LCP1: variants seen among roughly 807,000 people sequenced by gnomAD.
LCP1 encodes the protein plastin-2.
A neutral mutation model predicts 72.0 loss-of-function variants in LCP1; 23 were observed. That is an observed-to-expected ratio of 0.32 (90% CI 0.23 to 0.45). The LOEUF is 0.45. Ranked by LOEUF, LCP1 falls within the 20% of genes least tolerant of loss-of-function variation. LCP1 has a pLI of 1.00. For synonymous variants in LCP1, 245 were observed against 275.4 expected, an observed-to-expected ratio of 0.89 and a Z score of 1.09; for missense variants, 571 against 748.3, an observed-to-expected ratio of 0.76 and a Z score of 2.76.
At position 46,131,004 on chromosome 13, in the gene LCP1, A is replaced by G. The variant is rs2045630790; in HGVS notation, c.1627-66T>C. 13 of 1,488,034 alleles carry G rather than the reference A, an allele frequency of 8.7e-6. No individual in the cohort carries two copies. The South Asian group carries it at 1.6e-4, about 18-fold the overall frequency. The allele number at this position is 1,488,034 out of a possible 1,614,324, so 92.2% of individuals were successfully genotyped here. On this transcript the variant is annotated intron_variant, in intron 14 of 15. Coordinates refer to ENST00000323076, the MANE Select transcript of LCP1 (RefSeq NM_002298.5). Reference sequence around the variant, plus strand: ...AAGTTACTCCCATTCAGCTCAAAGGAAGTGGGTGGCTTTTTCTTCCTAAAT... The same window carrying G: ...AAGTTACTCCCATTCAGCTCAAAGGGAGTGGGTGGCTTTTTCTTCCTAAAT...
rs1429227997 is a variant in LCP1, at chr13:46,127,562, C to T, written c.*29G>A. On this transcript the variant is annotated 3_prime_UTR_variant, in exon 16 of 16. Transcript: ENST00000323076. ...TGTGCCGGGCAGTCAGGAGTGAGTG[C>T]ACCGCCTCCCACCCAGCCCCATTGG... 3 of 1,612,996 alleles carry T rather than the reference C, an allele frequency of 1.9e-6. No individual in the cohort carries two copies. In the Admixed American group the frequency reaches 5.0e-5, roughly 27 times the overall value.
intron 9 of LCP1, 121 bp downstream of exon 9, chr13:46,148,231 C>T (rs2045742168): frequency 3.0e-6 from 2 of 661,958 alleles, no homozygotes; most frequent in South Asian, 4.1e-5. Flanking sequence ...ACCGTTTTAA[C>T]AGGGCTTTAG....
intron 1 of LCP1, among the ~76,000 whole-genome samples, chr13:46,164,042 C>T (rs529280144): frequency 6.6e-6 from 1 of 152,290 alleles, no homozygotes; most frequent in African/African-American, 2.4e-5. Flanking sequence ...AGGTGCTATT[C>T]TTCATTTTAG....
intron 14 of LCP1, among the ~76,000 whole-genome samples, chr13:46,131,338 A>G (rs1207714385): frequency 6.6e-6 from 1 of 152,200 alleles, no homozygotes; most frequent in Admixed American, 6.5e-5. Flanking sequence ...GGCTATTACT[A>G]AAAAGTCAAA....
At chr13:46,144,316 C>T in intron 11 of LCP1, 126 bp downstream of exon 11, 1 of 727,696 alleles carries the variant, frequency 1.4e-6, no homozygotes, top group Non-Finnish European at 2.3e-6. Context: ...CAACTTGGCA[C>T]TTTTTCCCCT....
At chr13:46,152,710 C>G (rs746939503) in intron 7 of LCP1, 70 bp downstream of exon 7, 3 of 1,484,284 alleles carry the variant, frequency 2.0e-6, no homozygotes. Context: ...TGACATCTTC[C>G]TCCTACAGTC....
chr13:46,142,448 G>A (rs765588809), intron 12 of LCP1, 23 bp from the exon 13 acceptor site: 10 of 1,608,828 alleles, frequency 6.2e-6, no homozygotes, highest in South Asian at 3.3e-5. Context: ...AAAGGAAAAC[G>A]ATTTAACGTC....
chr13:46,146,827 G>T (rs914614124), intron 10 of LCP1, 81 bp downstream of exon 10: 11 of 1,350,670 alleles, frequency 8.1e-6, no homozygotes, highest in Non-Finnish European at 1.2e-5. Flanking sequence ...GTTTATATTT[G>T]CTTAGGAAGT....
intron 1 of LCP1, among the ~76,000 whole-genome samples, chr13:46,163,500 G>T (rs1435488191): frequency 2.6e-5 from 4 of 150,992 alleles, no homozygotes; most frequent in African/African-American, 9.8e-5. Context: ...AAACACTGCG[G>T]AAGGCCGCAG....
intron 1 of LCP1, among the ~76,000 whole-genome samples, chr13:46,162,983 G>A (rs2045852702): frequency 6.6e-6 from 1 of 150,624 alleles, no homozygotes; most frequent in Non-Finnish European, 1.5e-5. Context: ...AGCGTCTCCA[G>A]CCGGCAGCCG....
chr13:46,180,333 C>G (rs553274205), intron 1 of LCP1, among the ~76,000 whole-genome samples: 1 of 152,302 alleles, frequency 6.6e-6, no homozygotes, highest in African/African-American at 2.4e-5. Context: ...TTCCTGTCCT[C>G]TCCAAGTTAA....
chr13:46,163,530 C>G (rs990842244), intron 1 of LCP1, among the ~76,000 whole-genome samples: 1 of 151,954 alleles, frequency 6.6e-6, no homozygotes, highest in South Asian at 2.1e-4. Flanking sequence ...CCTAGGAAAA[C>G]CAGACACCTT....
chr13:46,143,212 C>A, intron 12 of LCP1, 78 bp downstream of exon 12: 1 of 918,080 alleles, frequency 1.1e-6, no homozygotes, highest in Non-Finnish European at 1.7e-6. Flanking sequence ...CGTTTGGCTG[C>A]CTTATAAAGT....
At position 46,154,895 on chromosome 13, in the gene LCP1, G is replaced by T. The variant is rs1307512529; in HGVS notation, c.492-9C>A. The T allele has an allele frequency of 6.2e-7, 1 of 1,608,902 alleles. No individual in the cohort carries two copies. Among genetic ancestry groups the T allele is most frequent in the Non-Finnish European group, 8.5e-7 (1 of 1,175,386 alleles). On this transcript the variant is annotated splice_polypyrimidine_tract_variant and intron_variant, in intron 5 of 15. Transcript: ENST00000323076. ...ACAGGTTGATCATTTTACTGAAAGAGAAACAATTAAATTAAAGAAAGCAGT... is the reference window on the plus strand; with the variant it reads ...ACAGGTTGATCATTTTACTGAAAGATAAACAATTAAATTAAAGAAAGCAGT...
chr13:46,156,921 C>T (rs949447209), intron 4 of LCP1, among the ~76,000 whole-genome samples: 17 of 150,976 alleles, frequency 1.1e-4, no homozygotes, highest in Non-Finnish European at 1.9e-4. Flanking sequence ...TCCTGGTTCA[C>T]GCCATTCTCC....
chr13:46,135,120 A>AC (rs1555314139), intron 13 of LCP1, among the ~76,000 whole-genome samples: 2 of 141,130 alleles, frequency 1.4e-5, no homozygotes, highest in African/African-American at 2.6e-5. Flanking sequence ...AAAAAAAAAA[A>AC]AAAGAAAAAA....
Position 46,153,648 on chromosome 13 carries a change from C to G in LCP1, c.574-703G>C, listed in dbSNP as rs190905946. Among the ~76,000 whole-genome samples the G allele has an allele frequency of 1.3e-3, 191 of 150,370 alleles. 1 individual carries two copies. Among genetic ancestry groups the G allele is most frequent in the South Asian group, 9.2e-3 (44 of 4,792 alleles). On this transcript the variant is annotated intron_variant, in intron 6 of 15. Transcript: ENST00000323076. The stretch of plus-strand genomic sequence containing the variant: ...CCCAGGAGGCAGAGGTTGCGGTGAG[C>G]TGAGATCATGCCATCACACTCCAGC...
rs541668480 is a variant in LCP1 at position 46,134,081 on chromosome 13, A to G, written c.1626+46T>C. The stretch of plus-strand genomic sequence containing the variant: ...AACACATAATGAAAACAATACAGAT[A>G]GGCATAGAGCTCAGATGGCCTCTAG... On this transcript the variant is annotated intron_variant, in intron 14 of 15. Transcript: ENST00000323076. The G allele has an allele frequency of 1.2e-5, 19 of 1,601,276 alleles. No individual in the cohort carries two copies. In the South Asian group the frequency reaches 1.9e-4, roughly 16 times the overall value.
intron 1 of LCP1, among the ~76,000 whole-genome samples, chr13:46,178,548 T>C (rs888521579): frequency 6.6e-6 from 1 of 152,116 alleles, no homozygotes; most frequent in African/African-American, 2.4e-5. Flanking sequence ...TGTAGAACAT[T>C]AACACTTTTT....
Sources: gnomAD v4.1 joint callset for allele counts (sites outside exome capture counted in the v4.1 genomes callset) on GRCh38, gnomAD v4.1.1 for gene constraint, MANE v1.5 for transcripts, NCBI Gene and HGNC (gene_info 2026-07-23, HGNC 2026-07-21) for gene names.